LRP6: variants seen among roughly 807,000 people sequenced by gnomAD.
LRP6 encodes the protein low-density lipoprotein receptor-related protein 6.
LRP6 carries 43 observed loss-of-function variants against 184.1 expected under a neutral mutation model. The observed-to-expected ratio is 0.23, with a 90% CI of 0.18 to 0.30. The LOEUF is 0.30. LRP6 is among the 10% of genes least tolerant of loss of function. LRP6 has a pLI of 1.00. For synonymous variants in LRP6, 719 were observed against 684.9 expected (o/e 1.05, Z -0.78); for missense variants, 1,571 against 2,005.3 (o/e 0.78, Z 4.14).
intron 2 of LRP6, among the ~76,000 whole-genome samples, chr12:12,230,168 A>G (rs1864745276): frequency 6.6e-6 from 1 of 152,250 alleles, no homozygotes; most frequent in African/African-American, 2.4e-5. Flanking sequence ...GTAAACATAT[A>G]TTAAGTTTTC....
At chr12:12,196,103 T>C (rs1863752038) in intron 3 of LRP6, among the ~76,000 whole-genome samples, 1 of 152,186 alleles carries the variant, frequency 6.6e-6, no homozygotes. Flanking sequence ...CTTTGTGGTA[T>C]ATTTTGAAGT....
chr12:12,147,614 G>T (rs772216150), intron 14 of LRP6, 58 bp from the exon 15 acceptor site: 1 of 1,299,592 alleles, frequency 7.7e-7, no homozygotes, highest in Non-Finnish European at 1.1e-6. Context: ...ATAAAATGAG[G>T]ATATTCTTAT....
At chr12:12,265,750 G>A (rs779204645) in intron 1 of LRP6, among the ~76,000 whole-genome samples, 1 of 152,118 alleles carries the variant, frequency 6.6e-6, no homozygotes, top group Non-Finnish European at 1.5e-5. Flanking sequence ...GCTGCCGACG[G>A]GCCAGTCAAA....
chr12:12,234,367 T>C (rs757101230), intron 2 of LRP6, among the ~76,000 whole-genome samples: 3 of 151,642 alleles, frequency 2.0e-5, no homozygotes, highest in African/African-American at 7.3e-5. Flanking sequence ...AAAGAATCAC[T>C]TGGACCCGGA....
chr12:12,147,680 C>T (rs1220732166), intron 14 of LRP6, 124 bp from the exon 15 acceptor site: 14 of 851,350 alleles, frequency 1.6e-5, no homozygotes, highest in Admixed American at 9.2e-5. Flanking sequence ...TTTTAAAATA[C>T]GTATTTTTTG....
At chr12:12,244,739 T>C in intron 1 of LRP6, 84 bp from the exon 2 acceptor site, 2 of 1,266,004 alleles carry the variant, frequency 1.6e-6, no homozygotes. Context: ...TCGGTTTAAG[T>C]GAGCAAAGAC....
chr12:12,134,960 AGTC>A (rs1949812388), intron 17 of LRP6, among the ~76,000 whole-genome samples: 9 of 152,198 alleles, frequency 5.9e-5, no homozygotes, highest in Admixed American at 5.9e-4. Context: ...AGTGTAAAAA[AGTC>A]AAAGAAACAG....
chr12:12,263,820 C>T (rs1374742107), intron 1 of LRP6, among the ~76,000 whole-genome samples: 1 of 151,838 alleles, frequency 6.6e-6, no homozygotes, highest in East Asian at 1.9e-4. Flanking sequence ...GGCAACAGAG[C>T]AAGACCCTAC....
intron 4 of LRP6, 88 bp from the exon 5 acceptor site, chr12:12,184,199 CA>C: frequency 9.1e-7 from 1 of 1,097,218 alleles, no homozygotes; most frequent in Non-Finnish European, 1.4e-6. Context: ...TGTGATAAGC[CA>C]AAATTATTAC....
chr12:12,192,910 T>C (rs1377906353), intron 3 of LRP6, among the ~76,000 whole-genome samples: 1 of 152,074 alleles, frequency 6.6e-6, no homozygotes, highest in East Asian at 1.9e-4. Context: ...GAACATTCCA[T>C]GCAACAAAAG....
rs1229259762 is a variant in LRP6, at chr12:12,159,082, G to A, written c.2538C>T (p.Tyr846=). The A allele has an allele frequency of 1.9e-6, 3 of 1,614,184 alleles. No homozygotes were observed. The South Asian group carries it at 3.3e-5, about 18-fold the overall frequency. ...TGCTGCGTCGGCTCCAGTCCGTCCAGTAGATATAATCTTGGTACTGAGTTA... is the reference window on the plus strand; with the variant it reads ...TGCTGCGTCGGCTCCAGTCCGTCCAATAGATATAATCTTGGTACTGAGTTA... The part of the protein sequence containing the change: ...FGLTQYQDYI[Y]WTDWSRRSIE... Residue 846 remains tyrosine (Y), a synonymous_variant, in exon 12 of 23, where the codon TAC becomes TAT. Transcript: ENST00000261349.
intron 12 of LRP6, chr12:12,155,487 T>C: frequency 1.1e-6 from 1 of 882,484 alleles, no homozygotes; most frequent in Non-Finnish European, 1.9e-6. Flanking sequence ...GGCATTGTTG[T>C]AAACAAAAAA....
chr12:12,146,540 T>C (rs1163651383), intron 15 of LRP6, among the ~76,000 whole-genome samples: 2 of 152,220 alleles, frequency 1.3e-5, no homozygotes, highest in Admixed American at 6.5e-5. Flanking sequence ...AAAGTAAAAG[T>C]ATATCTTAAG....
intron 2 of LRP6, among the ~76,000 whole-genome samples, chr12:12,209,198 C>A (rs947733485): frequency 1.3e-5 from 2 of 152,176 alleles, no homozygotes; most frequent in African/African-American, 4.8e-5. Flanking sequence ...GCAATAAGGG[C>A]TATTGTCTTT....
intron 16 of LRP6, 79 bp downstream of exon 16, chr12:12,138,246 T>G: frequency 7.4e-7 from 1 of 1,346,566 alleles, no homozygotes; most frequent in Non-Finnish European, 1.1e-6. Context: ...GGAAACAGAG[T>G]TTAAAAATCC....
chr12:12,196,475 CCTT>C (rs1198107587), intron 3 of LRP6, among the ~76,000 whole-genome samples: 1 of 152,014 alleles, frequency 6.6e-6, no homozygotes, highest in Non-Finnish European at 1.5e-5. Flanking sequence ...AATGACACTG[CCTT>C]CTTAATTTCT....
chr12:12,143,884 T>C (rs1335661290), intron 15 of LRP6, among the ~76,000 whole-genome samples: 1 of 152,280 alleles, frequency 6.6e-6, no homozygotes, highest in Non-Finnish European at 1.5e-5. Flanking sequence ...CATGGATATA[T>C]ACTATGTATC....
In LRP6 at chr12:12,239,871, A is replaced by G. The variant is rs538063174; in HGVS notation, c.449+4391T>C. Among the ~76,000 whole-genome samples, 20 of 152,326 alleles carry G rather than the reference A, an allele frequency of 1.3e-4. 1 individual carries two copies. The South Asian group carries it at 4.1e-3, about 32-fold the overall frequency. On this transcript the variant is annotated intron_variant, in intron 2 of 22. Coordinates refer to ENST00000261349, the MANE Select transcript of LRP6 (RefSeq NM_002336.3). ...ACTACTCCCCTTCAAAATTCCTTCAATAAATGCTAGGAGATATGGAGCATA... is the reference window on the plus strand; with the variant it reads ...ACTACTCCCCTTCAAAATTCCTTCAGTAAATGCTAGGAGATATGGAGCATA...
chr12:12,258,481 T>C (rs548406738), intron 1 of LRP6, among the ~76,000 whole-genome samples: 22 of 152,336 alleles, frequency 1.4e-4, no homozygotes, highest in African/African-American at 4.6e-4. Context: ...CAAAATGGCA[T>C]TCCAAATAAA....
Sources: gnomAD v4.1 joint callset for allele counts (sites outside exome capture counted in the v4.1 genomes callset) on GRCh38, gnomAD v4.1.1 for gene constraint, MANE v1.5 for transcripts, NCBI Gene and HGNC (gene_info 2026-07-23, HGNC 2026-07-21) for gene names.